Variants in GRID1 observed in about 807,000 individuals in gnomAD.
The protein encoded by GRID1 is glutamate ionotropic receptor delta type subunit 1, also known as glutamate receptor ionotropic, delta-1.
GRID1 carries 28 observed loss-of-function variants against 98.0 expected under a neutral mutation model. The ratio of observed to expected loss-of-function variants is 0.29; its 90% CI spans 0.21 to 0.39. The LOEUF (loss-of-function observed/expected upper bound fraction) is 0.39. Ranked by LOEUF, GRID1 falls within the 10% of genes least tolerant of loss-of-function variation. The pLI, the probability that GRID1 is intolerant of heterozygous loss-of-function variation, is 1.00. For synonymous variants in GRID1, 553 were observed against 538.5 expected (o/e 1.03, Z -0.37); for missense variants, 1,111 against 1,340.5 (o/e 0.83, Z 2.67).
chr10:86,067,415 G>C (rs539901302), intron 4 of GRID1, among the ~76,000 whole-genome samples: 1 of 152,186 alleles, frequency 6.6e-6, no homozygotes, highest in Non-Finnish European at 1.5e-5. Context: ...AAGGGACTGC[G>C]TAAGTAAAGA....
At position 85,901,715 on chromosome 10, in the gene GRID1, T is replaced by C. The variant is rs116585752; in HGVS notation, c.780+14471A>G. Among the ~76,000 whole-genome samples the C allele has an allele frequency of 2.3e-3, 350 of 152,264 alleles. 3 individuals are homozygous for C. Among genetic ancestry groups the C allele is most frequent in the African/African-American group, 7.9e-3 (330 of 41,562 alleles). On this transcript the variant is annotated intron_variant, in intron 5 of 15. Coordinates refer to ENST00000327946, the MANE Select transcript of GRID1 (RefSeq NM_017551.3). ...AGTATTGCAGCCAGAATCATATCCA[T>C]GGTGTGTTCCCAAAGACTGTGATCT...
At chr10:86,309,808 G>A (rs1847807917) in intron 2 of GRID1, among the ~76,000 whole-genome samples, 1 of 152,162 alleles carries the variant, frequency 6.6e-6, no homozygotes, top group Non-Finnish European at 1.5e-5. Flanking sequence ...AGCACACAAA[G>A]GTTGTACTGA....
chr10:85,857,127 C>A (rs570582199), intron 6 of GRID1, among the ~76,000 whole-genome samples: 1 of 152,190 alleles, frequency 6.6e-6, no homozygotes, highest in Non-Finnish European at 1.5e-5. Flanking sequence ...GATTCTGGTG[C>A]CTGCTCTGCA....
intron 13 of GRID1, among the ~76,000 whole-genome samples, chr10:85,639,196 C>T (rs1177846596): frequency 1.3e-5 from 2 of 152,124 alleles, no homozygotes; most frequent in East Asian, 3.8e-4. Context: ...AATAAATAAA[C>T]AAATCAAGGT....
At chr10:85,666,230 T>G (rs1014176582) in intron 12 of GRID1, among the ~76,000 whole-genome samples, 17 of 152,050 alleles carry the variant, frequency 1.1e-4, no homozygotes, top group African/African-American at 4.1e-4. Flanking sequence ...CCCAGCATGG[T>G]TAGTCAATGT....
At chr10:86,058,314 C>T (rs909782275) in intron 4 of GRID1, among the ~76,000 whole-genome samples, 3 of 152,096 alleles carry the variant, frequency 2.0e-5, no homozygotes, top group South Asian at 2.1e-4. Context: ...TGGATGGTTC[C>T]GGCCCCAGGT....
chr10:85,978,838 A>C (rs1056201976), intron 4 of GRID1, among the ~76,000 whole-genome samples: 3 of 152,202 alleles, frequency 2.0e-5, no homozygotes, highest in African/African-American at 7.2e-5. Flanking sequence ...TGCATGTGGC[A>C]ACCCTGTTTA....
intron 5 of GRID1, among the ~76,000 whole-genome samples, chr10:85,869,743 GA>G (rs1843258529): frequency 1.3e-5 from 2 of 152,252 alleles, no homozygotes; most frequent in East Asian, 3.9e-4. Flanking sequence ...GATACAGCCA[GA>G]AAAAAATCAG....
chr10:85,769,725 A>G (rs1352499389), intron 8 of GRID1, among the ~76,000 whole-genome samples: 2 of 152,202 alleles, frequency 1.3e-5, no homozygotes, highest in South Asian at 2.1e-4. Context: ...CTGATTGCTA[A>G]CAAAGCAGTC....
At chr10:86,317,205 C>G (rs917232351) in intron 2 of GRID1, among the ~76,000 whole-genome samples, 7 of 152,284 alleles carry the variant, frequency 4.6e-5, no homozygotes, top group African/African-American at 1.7e-4. Flanking sequence ...CATAGCCGCC[C>G]CTTTGTCCTG....
chr10:86,193,240 T>A (rs1317680919), intron 3 of GRID1, among the ~76,000 whole-genome samples: 1 of 152,098 alleles, frequency 6.6e-6, no homozygotes, highest in Non-Finnish European at 1.5e-5. Flanking sequence ...CCCCCCAGCC[T>A]GCTCCTTATG....
chr10:85,952,500 T>G (rs1489960653), intron 4 of GRID1, among the ~76,000 whole-genome samples: 1 of 152,202 alleles, frequency 6.6e-6, no homozygotes, highest in African/African-American at 2.4e-5. Flanking sequence ...TGATATCAAT[T>G]GCAATATTAC....
chr10:85,647,577 C>G (rs1022646989), intron 12 of GRID1, 180 bp from the exon 13 acceptor site: 2 of 591,428 alleles, frequency 3.4e-6, no homozygotes, highest in Admixed American at 2.9e-5. Flanking sequence ...TGCAGCGCCT[C>G]ATTCAATTAC....
chr10:86,187,131 A>G (rs1308073041), intron 3 of GRID1, among the ~76,000 whole-genome samples: 2 of 152,164 alleles, frequency 1.3e-5, no homozygotes, highest in Non-Finnish European at 2.9e-5. Flanking sequence ...AAGTATGGTC[A>G]TTGGGGGCGG....
At chr10:85,688,439 C>T (rs1372022845) in intron 12 of GRID1, among the ~76,000 whole-genome samples, 4 of 152,220 alleles carry the variant, frequency 2.6e-5, no homozygotes, top group African/African-American at 9.6e-5. Flanking sequence ...GCCTTGGACT[C>T]TTGGCCTCAA....
chr10:85,803,967 C>A, intron 8 of GRID1, among the ~76,000 whole-genome samples: 1 of 151,078 alleles, frequency 6.6e-6, no homozygotes, highest in Admixed American at 6.6e-5. Flanking sequence ...CAGTCACTAA[C>A]CCAAGCTTTC....
At chr10:86,307,948 A>G (rs953404486) in intron 2 of GRID1, among the ~76,000 whole-genome samples, 6 of 152,176 alleles carry the variant, frequency 3.9e-5, no homozygotes, top group Non-Finnish European at 1.5e-5. Context: ...TTCTACATAT[A>G]CAATCTCCTG....
At chr10:85,942,296 C>A (rs544366255) in intron 4 of GRID1, among the ~76,000 whole-genome samples, 31 of 152,342 alleles carry the variant, frequency 2.0e-4, no homozygotes, top group African/African-American at 7.0e-4. Context: ...CTCCTACCCC[C>A]ACCCTGCCAA....
At chr10:85,755,747 A>G (rs1842091491) in intron 8 of GRID1, among the ~76,000 whole-genome samples, 1 of 152,032 alleles carries the variant, frequency 6.6e-6, no homozygotes, top group Non-Finnish European at 1.5e-5. Context: ...GGGCCCTGAC[A>G]CCCTTGCCCA....
Sources: allele counts gnomAD v4.1 joint callset (sites outside exome capture counted in the v4.1 genomes callset), GRCh38; gene constraint gnomAD v4.1.1; transcripts MANE v1.5; gene names NCBI Gene and HGNC (gene_info 2026-07-23, HGNC 2026-07-21).